Variants in DLG2 observed in about 807,000 individuals in gnomAD.
The protein encoded by DLG2 is disks large homolog 2.
In DLG2, 45 loss-of-function variants were observed where a neutral mutation model predicts 132.5. That is an observed-to-expected ratio of 0.34 (90% CI 0.27 to 0.44). The LOEUF (loss-of-function observed/expected upper bound fraction) is 0.44, where lower values mean the gene tolerates loss of function less well. DLG2 is among the 20% of genes least tolerant of loss of function. The probability of loss-of-function intolerance (pLI) is 1.00; values close to 1 mark genes in which losing one functional copy is unlikely to be tolerated. For synonymous variants in DLG2, 424 were observed against 419.6 expected (o/e 1.01, Z -0.13); for missense variants, 1,045 against 1,196.9 (o/e 0.87, Z 1.87).
intron 9 of DLG2, among the ~76,000 whole-genome samples, chr11:84,103,059 A>C (rs1283389724): frequency 6.6e-6 from 1 of 152,074 alleles, no homozygotes; most frequent in Non-Finnish European, 1.5e-5. Flanking sequence ...CATCCCTGAA[A>C]GCTTTTGTGT....
chr11:83,518,322 G>T (rs113137013), intron 21 of DLG2, among the ~76,000 whole-genome samples: 17 of 152,226 alleles, frequency 1.1e-4, no homozygotes, highest in African/African-American at 2.7e-4. Context: ...CTCCAAGCCA[G>T]GCGCGGGATA....
At chr11:83,480,189 G>T (rs545463584) in intron 22 of DLG2, among the ~76,000 whole-genome samples, 1 of 152,192 alleles carries the variant, frequency 6.6e-6, no homozygotes, top group South Asian at 2.1e-4. Flanking sequence ...ACATAAGGGT[G>T]CACTGATGGC....
intron 6 of DLG2, among the ~76,000 whole-genome samples, chr11:84,988,915 A>T (rs1479637969): frequency 1.3e-5 from 2 of 152,148 alleles, no homozygotes; most frequent in African/African-American, 4.8e-5. Flanking sequence ...GAAAGAAAGA[A>T]AATTCTCCTT....
At chr11:85,583,085 G>A (rs1591007985) in intron 3 of DLG2, among the ~76,000 whole-genome samples, 1 of 91,912 alleles carries the variant, frequency 1.1e-5, no homozygotes, top group South Asian at 3.8e-4. Context: ...TATAATATAT[G>A]TGATGTGTGT....
At position 85,244,846 on chromosome 11, in the gene DLG2, T is replaced by C. The variant is rs546591818; in HGVS notation, c.186+40374A>G. On this transcript the variant is annotated intron_variant, in intron 4 of 27. Transcript: ENST00000376104. ...TACAGTTGTATTGCTTTAGAATAAT[T>C]AGAACTCTTGCAGGTGATTCAGATA... 4.6e-5 allele frequency among the ~76,000 whole-genome samples: 7 copies of C among 152,052 alleles called. No individual in the cohort carries two copies. In the South Asian group the frequency reaches 1.0e-3, roughly 23 times the overall value.
chr11:84,676,346 T>C (rs1464967808), intron 6 of DLG2, among the ~76,000 whole-genome samples: 2 of 152,106 alleles, frequency 1.3e-5, no homozygotes, highest in Non-Finnish European at 2.9e-5. Flanking sequence ...TACTTTGGCT[T>C]TTAAGAGAAC....
intron 6 of DLG2, among the ~76,000 whole-genome samples, chr11:85,044,427 G>C (rs1424052513): frequency 1.3e-5 from 2 of 151,902 alleles, no homozygotes; most frequent in African/African-American, 4.8e-5. Context: ...AGACTAGATG[G>C]TATATATGGC....
intron 7 of DLG2, among the ~76,000 whole-genome samples, chr11:84,281,133 G>A (rs183823710): frequency 5.9e-4 from 89 of 152,098 alleles, no homozygotes; most frequent in African/African-American, 2.0e-3. Flanking sequence ...AACAAACTTT[G>A]ATTCACACCT....
chr11:84,071,410 C>T (rs1355262029), intron 10 of DLG2, among the ~76,000 whole-genome samples: 1 of 151,884 alleles, frequency 6.6e-6, no homozygotes, highest in Non-Finnish European at 1.5e-5. Context: ...TGGCCTGAAC[C>T]TTTTTATTTT....
chr11:84,090,372 C>T (rs368369157), intron 10 of DLG2, among the ~76,000 whole-genome samples: 8 of 138,554 alleles, frequency 5.8e-5, no homozygotes, highest in African/African-American at 1.9e-4. Flanking sequence ...CAAGATCGCA[C>T]CATTGCACTC....
At chr11:85,443,954 T>C (rs2091898369) in intron 3 of DLG2, among the ~76,000 whole-genome samples, 1 of 152,238 alleles carries the variant, frequency 6.6e-6, no homozygotes, top group Admixed American at 6.5e-5. Context: ...TCCAGCTCTT[T>C]ATATTCTTCA....
intron 6 of DLG2, among the ~76,000 whole-genome samples, chr11:84,964,837 T>C (rs1032375776): frequency 4.1e-4 from 62 of 152,158 alleles, no homozygotes; most frequent in African/African-American, 1.3e-3. Context: ...GAGATAGACA[T>C]TTAAACCAAA....
intron 8 of DLG2, among the ~76,000 whole-genome samples, chr11:84,224,187 TAGA>T (rs1298667034): frequency 1.3e-5 from 2 of 152,186 alleles, no homozygotes; most frequent in Admixed American, 1.3e-4. Flanking sequence ...TGACCTATGC[TAGA>T]AGAAGTTGAG....
At chr11:84,595,795 G>A (rs2099555354) in intron 6 of DLG2, among the ~76,000 whole-genome samples, 1 of 152,200 alleles carries the variant, frequency 6.6e-6, no homozygotes, top group Non-Finnish European at 1.5e-5. Context: ...TACTGCAGAT[G>A]CTTTCTTGGT....
intron 7 of DLG2, among the ~76,000 whole-genome samples, chr11:84,440,460 T>C (rs1345011311): frequency 6.6e-6 from 1 of 152,112 alleles, no homozygotes; most frequent in Non-Finnish European, 1.5e-5. Context: ...AATGAAGTCA[T>C]TGCCATATTT....
intron 5 of DLG2, among the ~76,000 whole-genome samples, chr11:85,132,237 G>A (rs1041018349): frequency 6.6e-6 from 1 of 152,032 alleles, no homozygotes; most frequent in African/African-American, 2.4e-5. Context: ...TATTGTGTTT[G>A]TTTTAACTCA....
chr11:84,445,832 C>T (rs970861349), intron 7 of DLG2, among the ~76,000 whole-genome samples: 1 of 143,714 alleles, frequency 7.0e-6, no homozygotes, highest in South Asian at 2.3e-4. Flanking sequence ...AGGAGAATGG[C>T]GTGAACCCGG....
chr11:84,956,992 T>C (rs551274394), intron 6 of DLG2, among the ~76,000 whole-genome samples: 1 of 152,334 alleles, frequency 6.6e-6, no homozygotes, highest in African/African-American at 2.4e-5. Flanking sequence ...CATATATTAA[T>C]TGTGCTTTCA....
At chr11:84,980,774 C>T (rs2055623372) in intron 6 of DLG2, among the ~76,000 whole-genome samples, 1 of 152,154 alleles carries the variant, frequency 6.6e-6, no homozygotes, top group South Asian at 2.1e-4. Flanking sequence ...ATTACCTATC[C>T]AGCTATGTTT....
Sources: allele counts gnomAD v4.1 joint callset (sites outside exome capture counted in the v4.1 genomes callset), GRCh38; gene constraint gnomAD v4.1.1; transcripts MANE v1.5; gene names NCBI Gene and HGNC (gene_info 2026-07-23, HGNC 2026-07-21).